Variants in KCTD20 observed in about 807,000 individuals in gnomAD.
KCTD20 encodes BTB/POZ domain-containing protein KCTD20.
Under a neutral mutation model 39.6 loss-of-function variants are expected in KCTD20, and 30 were observed. The ratio of observed to expected loss-of-function variants is 0.76; its 90% CI spans 0.57 to 1.03. The LOEUF (loss-of-function observed/expected upper bound fraction) is 1.03, where lower values mean the gene tolerates loss of function less well. Ranked by LOEUF, KCTD20 falls within the 50% of genes least tolerant of loss-of-function variation. The pLI, the probability that KCTD20 is intolerant of heterozygous loss-of-function variation, is 0.00. For synonymous variants in KCTD20, 162 were observed against 180.6 expected, an observed-to-expected ratio of 0.90 and a Z score of 0.83; for missense variants, 422 against 522.0, an observed-to-expected ratio of 0.81 and a Z score of 1.87.
intron 1 of KCTD20, among the ~76,000 whole-genome samples, chr6:36,443,955 GT>G (rs1180832001): frequency 1.3e-5 from 2 of 152,218 alleles, no homozygotes; most frequent in African/African-American, 4.8e-5. Flanking sequence ...AGTTGAGGTA[GT>G]TTTTTAATGG....
chr6:36,482,487 C>T (rs772656011), intron 6 of KCTD20, among the ~76,000 whole-genome samples: 1 of 151,948 alleles, frequency 6.6e-6, no homozygotes, highest in Non-Finnish European at 1.5e-5. Context: ...TGGGAGGCGG[C>T]GGTTGCAGTG....
rs1776489190 is a variant in KCTD20, at chr6:36,488,384, T to C, written c.*1209T>C. The C allele has an allele frequency of 6.6e-6, 1 of 152,152 alleles. No homozygotes were observed. Among genetic ancestry groups the C allele is most frequent in the Admixed American group, 6.5e-5 (1 of 15,268 alleles). The allele number at this position is 152,152 out of a possible 1,614,324, so 9.4% of individuals were successfully genotyped here. A position where few individuals can be genotyped will look rare whatever the true frequency, so the allele number is the denominator to read the frequency against. On this transcript the variant is annotated 3_prime_UTR_variant, in exon 8 of 8. Transcript: ENST00000373731. Reference sequence around the variant, plus strand: ...TGTTATCAGTGCATGATCACCCAGATCACCCTCCTCAGCCCACACAGTGCT... The same window carrying C: ...TGTTATCAGTGCATGATCACCCAGACCACCCTCCTCAGCCCACACAGTGCT...
chr6:36,457,538 A>G (rs557958497), intron 1 of KCTD20, among the ~76,000 whole-genome samples: 7 of 152,232 alleles, frequency 4.6e-5, no homozygotes, highest in Admixed American at 2.6e-4. Context: ...TGAGACTCCT[A>G]TCTCTACTTA....
chr6:36,448,497 C>T (rs1036900589), intron 1 of KCTD20, among the ~76,000 whole-genome samples: 9 of 152,118 alleles, frequency 5.9e-5, no homozygotes, highest in South Asian at 4.1e-4. Context: ...ACAGGGAGAA[C>T]GTGAAATTTA....
chr6:36,474,690 G>T (rs572268678), intron 2 of KCTD20, 99 bp from the exon 3 acceptor site: 32 of 1,171,142 alleles, frequency 2.7e-5, no homozygotes, highest in Middle Eastern at 2.3e-4. Context: ...AAATTTGGGG[G>T]TTTTTTGTTT....
At chr6:36,485,339 A>C (rs1776383951) in intron 7 of KCTD20, among the ~76,000 whole-genome samples, 1 of 152,040 alleles carries the variant, frequency 6.6e-6, no homozygotes, top group Admixed American at 6.6e-5. Context: ...ATTATTCCAT[A>C]CTTTTGAGGA....
At position 36,470,060 on chromosome 6, in the gene KCTD20, T is replaced by C. The variant is rs780107049; in HGVS notation, c.-38T>C. 3 of 1,513,594 alleles carry C rather than the reference T, an allele frequency of 2.0e-6. No individual in the cohort carries two copies. In the African/African-American group the frequency reaches 4.2e-5, roughly 21 times the overall value. The allele number at this position is 1,513,594 out of a possible 1,614,324, so 93.8% of individuals were successfully genotyped here. On this transcript the variant is annotated 5_prime_UTR_variant, in exon 2 of 8. Transcript: ENST00000373731. ...ATATTCCTGTGTTCCAGGATTTCTC[T>C]CTGATCAAACGGACAGTTCAGGACT...
chr6:36,448,013 G>GTATATATATATA lies in KCTD20; in HGVS notation c.-47+4903_-47+4904insATATATATATAT, dbSNP rs10645937. ...CTCCAAAATATATGTGTATGTGTGT[G>GTATATATATATA]TGTATATATATATATATATATATAT... On this transcript the variant is annotated intron_variant, in intron 1 of 7. Coordinates refer to ENST00000373731, the MANE Select transcript of KCTD20 (RefSeq NM_173562.5). Among the ~76,000 whole-genome samples the GTATATATATATA allele has an allele frequency of 7.0e-3, 900 of 128,862 alleles. 6 individuals are homozygous for GTATATATATATA. Among genetic ancestry groups the GTATATATATATA allele is most frequent in the African/African-American group, 0.017 (534 of 30,772 alleles). The allele number at this position is 128,862 out of a possible 152,430, so 84.5% of individuals were successfully genotyped here. A position where few individuals can be genotyped will look rare whatever the true frequency, so the allele number is the denominator to read the frequency against.
chr6:36,456,563 G>A (rs1277463786), intron 1 of KCTD20, among the ~76,000 whole-genome samples: 1 of 148,050 alleles, frequency 6.8e-6, no homozygotes, highest in Non-Finnish European at 1.5e-5. Flanking sequence ...ACAGGCCTGA[G>A]CCACCACGCC....
chr6:36,462,978 T>C (rs1775643806), intron 1 of KCTD20, among the ~76,000 whole-genome samples: 1 of 152,222 alleles, frequency 6.6e-6, no homozygotes, highest in African/African-American at 2.4e-5. Context: ...ACTTTTTGTC[T>C]TTAGCTTTAC....
At chr6:36,455,749 G>T (rs929715787) in intron 1 of KCTD20, among the ~76,000 whole-genome samples, 3 of 152,204 alleles carry the variant, frequency 2.0e-5, no homozygotes, top group Non-Finnish European at 4.4e-5. Flanking sequence ...CTCTAGGATA[G>T]GAGCAAAAGC....
intron 1 of KCTD20, among the ~76,000 whole-genome samples, chr6:36,455,298 C>T (rs1041188090): frequency 5.9e-5 from 9 of 152,066 alleles, no homozygotes; most frequent in Non-Finnish European, 1.2e-4. Flanking sequence ...GTCCCAGCCA[C>T]TCAGGAGGCC....
At chr6:36,483,306 G>C (rs1374973839) in intron 6 of KCTD20, among the ~76,000 whole-genome samples, 2 of 122,098 alleles carry the variant, frequency 1.6e-5, no homozygotes, top group African/African-American at 6.5e-5. Flanking sequence ...CCCACCTCCT[G>C]GGTTCAAGTG....
At chr6:36,448,015 G>GTGTATATATATA (rs559687288) in intron 1 of KCTD20, among the ~76,000 whole-genome samples, 2 of 128,952 alleles carry the variant, frequency 1.6e-5, no homozygotes, top group African/African-American at 6.9e-5. Context: ...ATGTGTGTGT[G>GTGTATATATATA]TATATATATA....
Position 36,481,635 on chromosome 6 carries a change from G to A in KCTD20, c.732G>A (p.Leu244=), listed in dbSNP as rs1345689987. Residue 244 remains leucine (L), a synonymous_variant, in exon 6 of 8, where the codon TTG becomes TTA. Transcript: ENST00000373731. ...ATCACTACCTCGAAGAGCTCATCTTGCCCATCATGGTGGGCTGTGCCAAGA... is the reference window on the plus strand; with the variant it reads ...ATCACTACCTCGAAGAGCTCATCTTACCCATCATGGTGGGCTGTGCCAAGA... The part of the protein sequence containing the change: ...QFDHYLEELI[L]PIMVGCAKKG... The A allele has an allele frequency of 6.2e-7, 1 of 1,614,198 alleles. No individual in the cohort carries two copies. Among genetic ancestry groups the A allele is most frequent in the East Asian group, 2.2e-5 (1 of 44,886 alleles).
At chr6:36,462,386 A>G (rs1175159626) in intron 1 of KCTD20, among the ~76,000 whole-genome samples, 2 of 152,224 alleles carry the variant, frequency 1.3e-5, no homozygotes, top group African/African-American at 2.4e-5. Flanking sequence ...ATTCTTGGAA[A>G]AGAATATTGT....
At chr6:36,470,815 T>C (rs1389219480) in intron 2 of KCTD20, among the ~76,000 whole-genome samples, 3 of 152,134 alleles carry the variant, frequency 2.0e-5, no homozygotes, top group Admixed American at 6.5e-5. Context: ...TTGCCAAGGC[T>C]GGCAAGCCTC....
At chr6:36,445,048 G>GGT (rs1437755118) in intron 1 of KCTD20, among the ~76,000 whole-genome samples, 1 of 152,100 alleles carries the variant, frequency 6.6e-6, no homozygotes, top group Non-Finnish European at 1.5e-5. Context: ...GATCACCTGA[G>GGT]GTCAGGAGTT....
Position 36,461,375 on chromosome 6 carries a change from A to G in KCTD20, c.-46-8677A>G, listed in dbSNP as rs535695849. Among the ~76,000 whole-genome samples, 5 of 152,340 alleles carry G rather than the reference A, an allele frequency of 3.3e-5. No individual in the cohort carries two copies. In the South Asian group the frequency reaches 6.2e-4, roughly 19 times the overall value. The stretch of plus-strand genomic sequence containing the variant: ...GTGCTAACACAGGAAAAGAGCATCT[A>G]TTAAACTAAATGTAGTGAAGATGTT... On this transcript the variant is annotated intron_variant, in intron 1 of 7. Transcript: ENST00000373731.
Sources: allele counts gnomAD v4.1 joint callset (sites outside exome capture counted in the v4.1 genomes callset), GRCh38; gene constraint gnomAD v4.1.1; transcripts MANE v1.5; gene names NCBI Gene and HGNC (gene_info 2026-07-23, HGNC 2026-07-21).